HIP1: variants seen among roughly 807,000 people sequenced by gnomAD.
HIP1 encodes the protein huntingtin interacting protein 1.
In HIP1, 65 loss-of-function variants were observed where a neutral mutation model predicts 147.6. That is an observed-to-expected ratio of 0.44 (90% CI 0.36 to 0.54). The LOEUF (loss-of-function observed/expected upper bound fraction) is 0.54, where lower values mean the gene tolerates loss of function less well. HIP1 is among the 20% of genes least tolerant of loss of function. HIP1 has a pLI of 0.00. For synonymous variants in HIP1, 479 were observed against 504.0 expected, an observed-to-expected ratio of 0.95 and a Z score of 0.67; for missense variants, 1,061 against 1,299.6, an observed-to-expected ratio of 0.82 and a Z score of 2.82.
chr7:75,539,262 C>G, intron 30 of HIP1, 61 bp downstream of exon 30: 1 of 1,230,646 alleles, frequency 8.1e-7, no homozygotes, highest in Non-Finnish European at 1.2e-6. Flanking sequence ...AGGGGAAGGC[C>G]CTGGCCACAC....
intron 1 of HIP1, among the ~76,000 whole-genome samples, chr7:75,680,342 C>T (rs1465105700): frequency 2.6e-5 from 4 of 151,990 alleles, no homozygotes; most frequent in Admixed American, 6.6e-5. Context: ...AGCACCTGGC[C>T]GAAACTCCAG....
chr7:75,729,475 A>G (rs1801763031), intron 1 of HIP1, among the ~76,000 whole-genome samples: 1 of 151,774 alleles, frequency 6.6e-6, no homozygotes, highest in South Asian at 2.1e-4. Flanking sequence ...CAACACAGCA[A>G]GACTCTATCT....
Position 75,561,310 on chromosome 7 carries a change from G to A in HIP1, c.1191+19C>T, listed in dbSNP as rs1367536640. ...CGTGTTTTGGTGAAGCGCAAAGGCA[G>A]AGCAGATCCAAGTTATACCTCAGTC... On this transcript the variant is annotated intron_variant, in intron 13 of 30. Coordinates refer to ENST00000336926, the MANE Select transcript of HIP1 (RefSeq NM_005338.7). The A allele has an allele frequency of 6.4e-7, 1 of 1,558,408 alleles. No individual in the cohort carries two copies. Among genetic ancestry groups the A allele is most frequent in the African/African-American group, 1.4e-5 (1 of 73,808 alleles).
chr7:75,631,136 T>TA lies in HIP1; in HGVS notation c.121-31890_121-31889insT, dbSNP rs201970224. On this transcript the variant is annotated intron_variant, in intron 1 of 30. Coordinates refer to ENST00000336926, the MANE Select transcript of HIP1 (RefSeq NM_005338.7). Reference sequence around the variant, plus strand: ...CGACCAAACCCAGATAATTTGTTTTTTAAATTTTTTTTTTTTTAGTAGAGA... The same window carrying TA: ...CGACCAAACCCAGATAATTTGTTTTTATAAATTTTTTTTTTTTTAGTAGAGA... Among the ~76,000 whole-genome samples the TA allele has an allele frequency of 1.4e-4, 20 of 144,556 alleles. No individual in the cohort carries two copies. In the South Asian group the frequency reaches 3.4e-3, roughly 24 times the overall value. The allele number at this position is 144,556 out of a possible 152,430, so 94.8% of individuals were successfully genotyped here.
At chr7:75,588,991 A>T (rs1434995259) in intron 4 of HIP1, among the ~76,000 whole-genome samples, 1 of 151,828 alleles carries the variant, frequency 6.6e-6, no homozygotes, top group Non-Finnish European at 1.5e-5. Flanking sequence ...TCTCTATTAA[A>T]CATACAAAAT....
At position 75,596,120 on chromosome 7, in the gene HIP1, A is replaced by G. The variant is rs587652401; in HGVS notation, c.184+3064T>C. ...ATGGCATGTGCCTATAGTCCCAGCT[A>G]CTCAGGAGGCTGAGGTGGGAGGATC... is the stretch of plus-strand genomic sequence containing the variant. On this transcript the variant is annotated intron_variant, in intron 2 of 30. Coordinates refer to ENST00000336926, the MANE Select transcript of HIP1 (RefSeq NM_005338.7). Among the ~76,000 whole-genome samples, 3 of 151,312 alleles carry G rather than the reference A, an allele frequency of 2.0e-5. No individual in the cohort carries two copies. The South Asian group carries it at 6.3e-4, about 32-fold the overall frequency.
chr7:75,731,818 A>T (rs2117407754), intron 1 of HIP1, among the ~76,000 whole-genome samples: 1 of 152,302 alleles, frequency 6.6e-6, no homozygotes, highest in South Asian at 2.1e-4. Context: ...GTGGGAACCC[A>T]TCAGGACCCA....
chr7:75,538,570 CTTTTTTTTTT>C (rs67030357), intron 30 of HIP1, among the ~76,000 whole-genome samples: 5,210 of 112,926 alleles, frequency 0.046, 160 homozygotes, highest in Middle Eastern at 0.095. Flanking sequence ...CTGATCCCTT[CTTTTTTTTTT>C]TTTTTTTTTT....
chr7:75,731,130 G>C (rs1801824617), intron 1 of HIP1, among the ~76,000 whole-genome samples: 2 of 152,002 alleles, frequency 1.3e-5, no homozygotes, highest in African/African-American at 4.8e-5. Flanking sequence ...TCCTTCTTAA[G>C]TTTTCAATAC....
intron 1 of HIP1, among the ~76,000 whole-genome samples, chr7:75,696,240 G>A (rs1382662159): frequency 2.0e-5 from 3 of 151,122 alleles, no homozygotes; most frequent in South Asian, 4.2e-4. Flanking sequence ...CACCCACTTC[G>A]GCTTCCCAAA....
chr7:75,539,558 G>A (rs1213269825), intron 29 of HIP1, 127 bp from the exon 30 acceptor site: 1 of 690,560 alleles, frequency 1.4e-6, no homozygotes, highest in Non-Finnish European at 2.4e-6. Flanking sequence ...GGCCTCAAGA[G>A]ATCCTCCTGT....
intron 28 of HIP1, among the ~76,000 whole-genome samples, chr7:75,542,486 G>C (rs1794364726): frequency 6.6e-6 from 1 of 152,030 alleles, no homozygotes; most frequent in Non-Finnish European, 1.5e-5. Context: ...ATCACCTGAG[G>C]TGAGGAGTTC....
intron 8 of HIP1, among the ~76,000 whole-genome samples, chr7:75,570,176 C>T (rs587702608): frequency 6.6e-5 from 10 of 152,046 alleles, no homozygotes; most frequent in Non-Finnish European, 1.5e-4. Context: ...TCGTGATCCG[C>T]CTGCCTTGAC....
chr7:75,650,457 T>TTTTTTTTTTTC (rs1798935832), intron 1 of HIP1, among the ~76,000 whole-genome samples: 1 of 148,626 alleles, frequency 6.7e-6, no homozygotes, highest in African/African-American at 2.5e-5. Flanking sequence ...AGTTATCTTT[T>TTTTTTTTTTTC]TTTTTTTTTT....
intron 29 of HIP1, among the ~76,000 whole-genome samples, chr7:75,539,768 T>C (rs1009867549): frequency 1.3e-5 from 2 of 152,230 alleles, no homozygotes; most frequent in African/African-American, 4.8e-5. Flanking sequence ...CATTTATCTA[T>C]CCCAGTAGCT....
chr7:75,730,584 C>A (rs1472072847), intron 1 of HIP1, among the ~76,000 whole-genome samples: 1 of 151,874 alleles, frequency 6.6e-6, no homozygotes, highest in Non-Finnish European at 1.5e-5. Flanking sequence ...GGTGATCCAC[C>A]CGCCTCGGCC....
chr7:75,608,799 G>A (rs1023658342), intron 1 of HIP1, among the ~76,000 whole-genome samples: 1 of 152,154 alleles, frequency 6.6e-6, no homozygotes, highest in Admixed American at 6.5e-5. Flanking sequence ...GATTACATTA[G>A]ATGACTTCTA....
At chr7:75,683,086 G>A (rs577197938) in intron 1 of HIP1, among the ~76,000 whole-genome samples, 4 of 152,070 alleles carry the variant, frequency 2.6e-5, no homozygotes, top group Admixed American at 6.6e-5. Context: ...AGGTTCAAGC[G>A]ATTCTCTTGC....
At chr7:75,710,580 G>T (rs1801139740) in intron 1 of HIP1, among the ~76,000 whole-genome samples, 1 of 152,118 alleles carries the variant, frequency 6.6e-6, no homozygotes, top group Non-Finnish European at 1.5e-5. Context: ...GAGAAGAACT[G>T]GTGTTAGTTC....
Sources: gnomAD v4.1 joint callset for allele counts (sites outside exome capture counted in the v4.1 genomes callset) on GRCh38, gnomAD v4.1.1 for gene constraint, MANE v1.5 for transcripts, NCBI Gene and HGNC (gene_info 2026-07-23, HGNC 2026-07-21) for gene names.